Variants in SLC7A1 observed in about 807,000 individuals in gnomAD.
The protein encoded by SLC7A1 is high affinity cationic amino acid transporter 1.
SLC7A1 carries 10 observed loss-of-function variants against 53.9 expected under a neutral mutation model. The ratio of observed to expected loss-of-function variants is 0.19; its 90% confidence interval spans 0.11 to 0.31. The LOEUF is 0.31. Ranked by LOEUF, SLC7A1 falls within the 10% of genes least tolerant of loss-of-function variation. The probability of loss-of-function intolerance (pLI) is 1.00; values close to 1 mark genes in which losing one functional copy is unlikely to be tolerated. For missense variants in SLC7A1, 525 were observed against 827.2 expected, an observed-to-expected ratio of 0.63 and a Z score of 4.48; for synonymous variants, 342 against 338.7, an observed-to-expected ratio of 1.01 and a Z score of -0.11.
intron 1 of SLC7A1, among the ~76,000 whole-genome samples, chr13:29,569,499 C>T (rs747426518): frequency 6.6e-6 from 1 of 152,218 alleles, no homozygotes; most frequent in Non-Finnish European, 1.5e-5. Context: ...ATGTCTGCAG[C>T]TACCAGGCCC....
At chr13:29,552,965 G>A (rs79346523) in intron 2 of SLC7A1, among the ~76,000 whole-genome samples, 2,551 of 152,174 alleles carry the variant, frequency 0.017, 68 homozygotes, top group African/African-American at 0.058. Flanking sequence ...TAAAAATGAA[G>A]CTACTCATAT....
At chr13:29,564,923 C>A (rs1870903658) in intron 1 of SLC7A1, among the ~76,000 whole-genome samples, 1 of 152,238 alleles carries the variant, frequency 6.6e-6, no homozygotes, top group African/African-American at 2.4e-5. Context: ...CCATTACATT[C>A]TGTTCTTCAA....
chr13:29,555,121 G>C (rs1438154682), intron 1 of SLC7A1, among the ~76,000 whole-genome samples: 1 of 151,698 alleles, frequency 6.6e-6, no homozygotes, highest in Non-Finnish European at 1.5e-5. Context: ...CACTTTGGGA[G>C]GCCGAGGCGG....
rs151336884 is a variant in SLC7A1 at position 29,567,435 on chromosome 13, C to T, written c.-114-13575G>A. Among the ~76,000 whole-genome samples the T allele has an allele frequency of 3.3e-5, 5 of 152,278 alleles. No individual in the cohort carries two copies. The East Asian group carries it at 7.7e-4, about 24-fold the overall frequency. On this transcript the variant is annotated intron_variant, in intron 1 of 12. Coordinates refer to ENST00000380752, the MANE Select transcript of SLC7A1 (RefSeq NM_003045.5). ...TAGCCCAGCCCAGTATTTCCTAAGGCCATCAGGGCTCACTACCAGGGCAAA... is the reference window on the plus strand; with the variant it reads ...TAGCCCAGCCCAGTATTTCCTAAGGTCATCAGGGCTCACTACCAGGGCAAA...
At chr13:29,552,596 G>A (rs957652854) in intron 2 of SLC7A1, among the ~76,000 whole-genome samples, 6 of 152,158 alleles carry the variant, frequency 3.9e-5, no homozygotes, top group East Asian at 1.9e-4. Flanking sequence ...ATGGAAAACC[G>A]CTTAAAGGTG....
In SLC7A1 at chr13:29,509,792, T is replaced by C. The variant is rs1883340577; in HGVS notation, c.*4688A>G. On this transcript the variant is annotated 3_prime_UTR_variant, in exon 13 of 13. Transcript: ENST00000380752. ...CTCTTAATAATGGCTCCATGTTCAG[T>C]AGAAGAAAATATTTACTGGAGAAAC... is the stretch of plus-strand genomic sequence containing the variant. The C allele has an allele frequency of 6.6e-6, 1 of 152,524 alleles. No homozygotes were observed. Among genetic ancestry groups the C allele is most frequent in the Non-Finnish European group, 1.5e-5 (1 of 68,030 alleles). The allele number at this position is 152,524 out of a possible 1,614,324, so 9.4% of individuals were successfully genotyped here. A position where few individuals can be genotyped will look rare whatever the true frequency, so the allele number is the denominator to read the frequency against.
rs538934310 is a variant in SLC7A1 at position 29,555,357 on chromosome 13, C to CAAAAAAAA, written c.-114-1505_-114-1498dup. On this transcript the variant is annotated intron_variant, in intron 1 of 12. Transcript: ENST00000380752. ...TGGGCGACAGAGCGAGACTCCGTCT[C>CAAAAAAAA]AAAAAAAAAAAAAAAAAAAAAAAAG... Among the ~76,000 whole-genome samples, 142 of 18,770 alleles carry CAAAAAAAA rather than the reference C, an allele frequency of 7.6e-3. 14 individuals are homozygous for CAAAAAAAA. Among genetic ancestry groups the CAAAAAAAA allele is most frequent in the Middle Eastern group, 0.083 (1 of 12 alleles). The allele number at this position is 18,770 out of a possible 152,430, so 12.3% of individuals were successfully genotyped here.
chr13:29,527,506 C>T (rs1414695824), intron 5 of SLC7A1, among the ~76,000 whole-genome samples: 3 of 152,196 alleles, frequency 2.0e-5, no homozygotes, highest in Non-Finnish European at 4.4e-5. Context: ...AATAATTAAC[C>T]TTTTACATGC....
intron 4 of SLC7A1, among the ~76,000 whole-genome samples, chr13:29,531,830 T>C (rs1184090168): frequency 2.0e-5 from 3 of 152,030 alleles, no homozygotes; most frequent in Non-Finnish European, 4.4e-5. Context: ...CAAGACTCTG[T>C]CTCAAATATA....
At chr13:29,533,122 T>G (rs1351610590) in intron 3 of SLC7A1, 140 bp from the exon 4 acceptor site, 23 of 811,432 alleles carry the variant, frequency 2.8e-5, no homozygotes, top group Admixed American at 1.2e-4. Context: ...CAGACCACAG[T>G]GTATGCTGAG....
rs1285858537 is a variant in SLC7A1 at position 29,517,804 on chromosome 13, C to G, written c.1293-14G>C. The G allele has an allele frequency of 6.2e-7, 1 of 1,603,076 alleles. No homozygotes were observed. The highest frequency in any genetic ancestry group is 2.2e-5 in the East Asian group (1 of 44,870). On this transcript the variant is annotated splice_polypyrimidine_tract_variant and intron_variant, in intron 9 of 12. Transcript: ENST00000380752. Reference sequence around the variant, plus strand: ...TCTGGCTGGTACCTGGGAAGAAAGGCATTGCGTGACCGCCACATCTGCTTC... The same window carrying G: ...TCTGGCTGGTACCTGGGAAGAAAGGGATTGCGTGACCGCCACATCTGCTTC...
At position 29,595,459 on chromosome 13, in the gene SLC7A1, G is replaced by T; in HGVS notation, c.-158C>A. 6.6e-6 allele frequency: 1 copy of T among 151,832 alleles called. No homozygotes were observed. Among genetic ancestry groups the T allele is most frequent in the South Asian group, 2.0e-4 (1 of 5,088 alleles). 9.4% of individuals were successfully genotyped at this position (151,832 alleles called of 1,614,324 possible). Reference sequence around the variant, plus strand: ...GCTCCGGCAGGATCGCGAACAGACAGACTGTCGGACGCGCTCAAGGACCAA... The same window carrying T: ...GCTCCGGCAGGATCGCGAACAGACATACTGTCGGACGCGCTCAAGGACCAA... On this transcript the variant is annotated 5_prime_UTR_variant, in exon 1 of 13. The change creates a new upstream start codon in the 5' untranslated region. Coordinates refer to ENST00000380752, the MANE Select transcript of SLC7A1 (RefSeq NM_003045.5).
intron 2 of SLC7A1, among the ~76,000 whole-genome samples, chr13:29,552,709 C>T (rs972050944): frequency 1.3e-5 from 2 of 152,232 alleles, no homozygotes; most frequent in East Asian, 1.9e-4. Context: ...GTAAGGAATA[C>T]TTTTAGTAAA....
At chr13:29,546,043 T>A (rs569229415) in intron 2 of SLC7A1, among the ~76,000 whole-genome samples, 12 of 152,298 alleles carry the variant, frequency 7.9e-5, no homozygotes, top group Admixed American at 2.0e-4. Context: ...TCCTATCCTA[T>A]CCTATTGGAG....
chr13:29,545,658 G>C (rs1869887964), intron 2 of SLC7A1, among the ~76,000 whole-genome samples: 2 of 152,144 alleles, frequency 1.3e-5, no homozygotes, highest in South Asian at 4.1e-4. Context: ...TTGGTCACCT[G>C]TCTCTGCCTC....
At chr13:29,527,261 T>G (rs1253902251) in intron 5 of SLC7A1, among the ~76,000 whole-genome samples, 1 of 152,090 alleles carries the variant, frequency 6.6e-6, no homozygotes, top group Non-Finnish European at 1.5e-5. Context: ...AGTTTACCTG[T>G]GGGGGTGGGA....
chr13:29,543,418 G>A (rs183412867), intron 2 of SLC7A1, among the ~76,000 whole-genome samples: 22 of 151,798 alleles, frequency 1.4e-4, no homozygotes, highest in African/African-American at 5.1e-4. Context: ...CTCAACCAGG[G>A]GTTTCAGTCC....
intron 5 of SLC7A1, among the ~76,000 whole-genome samples, chr13:29,526,612 C>T (rs959376161): frequency 2.6e-5 from 4 of 152,116 alleles, no homozygotes; most frequent in Non-Finnish European, 5.9e-5. Flanking sequence ...CATTTCAGGG[C>T]AAGTGGAAAG....
At chr13:29,539,177 C>T (rs992049587) in intron 2 of SLC7A1, among the ~76,000 whole-genome samples, 3 of 138,012 alleles carry the variant, frequency 2.2e-5, no homozygotes, top group African/African-American at 7.9e-5. Flanking sequence ...CCTTTTTGCA[C>T]TCCTTTCTCA....
Sources: gnomAD v4.1 joint callset for allele counts (sites outside exome capture counted in the v4.1 genomes callset) on GRCh38, gnomAD v4.1.1 for gene constraint, MANE v1.5 for transcripts, NCBI Gene and HGNC (gene_info 2026-07-23, HGNC 2026-07-21) for gene names.